STAG2: variants seen among roughly 807,000 people sequenced by gnomAD.
The protein encoded by STAG2 is cohesin subunit SA-2.
In STAG2, 14 loss-of-function variants were observed where a neutral mutation model predicts 108.1. That is an observed-to-expected ratio of 0.13 (90% CI 0.09 to 0.20). The LOEUF (loss-of-function observed/expected upper bound fraction) is 0.20. STAG2 is among the 10% of genes least tolerant of loss of function. STAG2 has a pLI of 1.00. For synonymous variants in STAG2, 307 were observed against 302.7 expected (o/e 1.01, Z -0.15); for missense variants, 440 against 940.9 (o/e 0.47, Z 6.96).
intron 26 of STAG2, among the ~76,000 whole-genome samples, chrX:124,077,583 T>C (rs747382774): frequency 8.9e-6 from 1 of 112,105 alleles, no homozygotes; most frequent in Non-Finnish European, 1.9e-5. Flanking sequence ...GAATTAGTTA[T>C]AAGTGTAACT....
At chrX:124,056,731 TAA>T (rs771229412) in intron 14 of STAG2, among the ~76,000 whole-genome samples, 7 of 42,371 alleles carry the variant, frequency 1.7e-4, no homozygotes, top group African/African-American at 4.8e-4. Context: ...AGACTCCATC[TAA>T]AAAAAAAAAA....
chrX:124,059,119 C>G (rs1006249743), intron 15 of STAG2, among the ~76,000 whole-genome samples: 1 of 111,755 alleles, frequency 8.9e-6, no homozygotes, highest in Non-Finnish European at 1.9e-5. Flanking sequence ...GAGTTTGAGA[C>G]CAGCCTGGCC....
intron 29 of STAG2, 56 bp downstream of exon 29, chrX:124,083,605 A>G (rs1425216753): frequency 5.1e-6 from 5 of 980,799 alleles, no homozygotes; most frequent in South Asian, 5.1e-5. Flanking sequence ...CTTAAGGGCA[A>G]TTTTTATACT....
chrX:124,040,516 G>T (rs1018168541), intron 6 of STAG2, among the ~76,000 whole-genome samples: 2 of 109,927 alleles, frequency 1.8e-5, no homozygotes, highest in Non-Finnish European at 3.8e-5. Flanking sequence ...TAAATGAATG[G>T]AGTTTGTGAT....
chrX:124,091,570 C>A (rs888036804), intron 32 of STAG2, among the ~76,000 whole-genome samples: 2 of 112,510 alleles, frequency 1.8e-5, no homozygotes, highest in African/African-American at 3.2e-5. Context: ...TATTCCCTGG[C>A]AGCTGGTAAA....
intron 28 of STAG2, among the ~76,000 whole-genome samples, chrX:124,082,887 T>C (rs2058998956): frequency 9.0e-6 from 1 of 111,600 alleles, no homozygotes; most frequent in Non-Finnish European, 1.9e-5. Flanking sequence ...TTTTACTCAG[T>C]TACATATTTG....
At chrX:123,992,058 A>T (rs2055508948) in intron 1 of STAG2, among the ~76,000 whole-genome samples, 1 of 112,410 alleles carries the variant, frequency 8.9e-6, no homozygotes, top group Non-Finnish European at 1.9e-5. Flanking sequence ...CGTAGGTTAG[A>T]TGCAAATATT....
intron 13 of STAG2, among the ~76,000 whole-genome samples, chrX:124,055,001 A>C (rs1467930868): frequency 9.0e-6 from 1 of 111,070 alleles, no homozygotes; most frequent in Non-Finnish European, 1.9e-5. Flanking sequence ...ACCTGGGCTC[A>C]AGTGATCCAC....
At chrX:124,075,567 C>T (rs1379255352) in intron 25 of STAG2, among the ~76,000 whole-genome samples, 1 of 111,800 alleles carries the variant, frequency 8.9e-6, no homozygotes, top group Admixed American at 9.5e-5. Flanking sequence ...AGCCACCACA[C>T]CCGGCCTGGG....
chrX:124,100,862 C>T lies in STAG2; in HGVS notation c.*265C>T, dbSNP rs780656571. The stretch of plus-strand genomic sequence containing the variant: ...ATGCGCTGTTAGTTGGCTTTTGAAT[C>T]GATTATTTCATGCTTTTTTTTAAAA... On this transcript the variant is annotated 3_prime_UTR_variant, in exon 35 of 35. Coordinates refer to ENST00000371145, the MANE Select transcript of STAG2 (RefSeq NM_001042750.2). The T allele has an allele frequency of 7.1e-4, 154 of 216,630 alleles. No individual in the cohort carries two copies. Among genetic ancestry groups the T allele is most frequent in the African/African-American group, 4.3e-3 (138 of 32,092 alleles). 17.9% of individuals were successfully genotyped at this position (216,630 alleles called of 1,213,427 possible).
At chrX:124,068,471 TG>T in intron 23 of STAG2, 92 bp from the exon 24 acceptor site, 3 of 501,171 alleles carry the variant, frequency 6.0e-6, no homozygotes, top group Non-Finnish European at 9.5e-6. Context: ...AATAAAGCTA[TG>T]AGATAATGTT....
At chrX:123,964,250 C>CAAA (rs55860920) in intron 1 of STAG2, among the ~76,000 whole-genome samples, 1 of 83,131 alleles carries the variant, frequency 1.2e-5, no homozygotes, top group Non-Finnish European at 2.4e-5. Flanking sequence ...GCAAAACTTT[C>CAAA]AAAAAAAAAA....
At chrX:124,009,542 G>A (rs1285464373) in intron 1 of STAG2, among the ~76,000 whole-genome samples, 1 of 110,334 alleles carries the variant, frequency 9.1e-6, no homozygotes, top group African/African-American at 3.3e-5. Context: ...ATCAAGTGTT[G>A]CATTTTAGGG....
At chrX:124,019,969 G>A (rs748796217) in intron 1 of STAG2, among the ~76,000 whole-genome samples, 96 of 112,199 alleles carry the variant, frequency 8.6e-4, no homozygotes, top group Non-Finnish European at 2.1e-4. Context: ...CGTATAATAC[G>A]CACATGCGCG....
At chrX:124,066,659 A>C (rs2058538426) in intron 23 of STAG2, among the ~76,000 whole-genome samples, 1 of 111,986 alleles carries the variant, frequency 8.9e-6, no homozygotes. Flanking sequence ...AAGGTGGCAT[A>C]ATCTGTGGTT....
At chrX:123,986,462 G>A (rs1057149541) in intron 1 of STAG2, among the ~76,000 whole-genome samples, 16 of 111,100 alleles carry the variant, frequency 1.4e-4, no homozygotes, top group Admixed American at 2.9e-4. Flanking sequence ...ATGGTGAATA[G>A]CTTCCAAAAA....
chrX:124,072,354 A>G (rs2058683687), intron 25 of STAG2, among the ~76,000 whole-genome samples: 2 of 112,109 alleles, frequency 1.8e-5, no homozygotes, highest in South Asian at 7.3e-4. Context: ...GTGTAAGTAT[A>G]TATGTAATTC....
At chrX:123,985,747 T>A (rs962858591) in intron 1 of STAG2, among the ~76,000 whole-genome samples, 3 of 108,596 alleles carry the variant, frequency 2.8e-5, no homozygotes, top group African/African-American at 1.0e-4. Flanking sequence ...ATTTTTTTTT[T>A]TTTTATTTTC....
intron 5 of STAG2, among the ~76,000 whole-genome samples, chrX:124,036,263 T>C (rs2148110035): frequency 8.9e-6 from 1 of 112,464 alleles, no homozygotes; most frequent in East Asian, 2.8e-4. Context: ...ATTTCCTATT[T>C]ATTGGTATAT....
Sources: allele counts gnomAD v4.1 joint callset (sites outside exome capture counted in the v4.1 genomes callset), GRCh38; gene constraint gnomAD v4.1.1; transcripts MANE v1.5; gene names NCBI Gene and HGNC (gene_info 2026-07-23, HGNC 2026-07-21).